Variants in MDK observed in about 807,000 individuals in gnomAD.
MDK encodes midkine.
MDK carries 17 observed loss-of-function variants against 18.9 expected under a neutral mutation model. The ratio of observed to expected loss-of-function variants is 0.90; its 90% CI spans 0.62 to 1.35. The LOEUF (loss-of-function observed/expected upper bound fraction) is 1.35. Ranked by LOEUF, MDK falls within the 40% of genes most tolerant of loss-of-function variation. The pLI is 0.00. For synonymous variants in MDK, 86 were observed against 74.3 expected, an observed-to-expected ratio of 1.16 and a Z score of -0.81; for missense variants, 180 against 186.3, an observed-to-expected ratio of 0.97 and a Z score of 0.20.
In MDK at chr11:46,382,039, C is replaced by G. The variant is rs746846549; in HGVS notation, c.-1-18C>G. 3 of 1,595,318 alleles carry G rather than the reference C, an allele frequency of 1.9e-6. No homozygotes were observed. In the East Asian group the frequency reaches 6.8e-5, roughly 36 times the overall value. On this transcript the variant is annotated intron_variant, in intron 1 of 4. Transcript: ENST00000395566. Reference sequence around the variant, plus strand: ...GAAGGGGACGGGCCAGGGATTCAGACTCGGGCTCTCCCCTCAGGATGCAGC... The same window carrying G: ...GAAGGGGACGGGCCAGGGATTCAGAGTCGGGCTCTCCCCTCAGGATGCAGC...
Position 46,382,633 on chromosome 11 carries a change from C to T in MDK, c.291C>T (p.Gly97=), listed in dbSNP as rs201944015. 2 of 1,612,866 alleles carry T rather than the reference C, an allele frequency of 1.2e-6. No individual in the cohort carries two copies. Among genetic ancestry groups the T allele is most frequent in the East Asian group, 2.2e-5 (1 of 44,854 alleles). ...AGAACTGGGGTGCGTGTGATGGGGG[C>T]ACAGGCACCAAAGTCCGCCAAGGCA... The part of the protein sequence containing the change: ...KFENWGACDG[G]TGTKVRQGTL... Residue 97 remains glycine, a synonymous_variant, in exon 4 of 5, where the codon GGC becomes GGT. Coordinates refer to ENST00000395566, the MANE Select transcript of MDK (RefSeq NM_002391.6).
Position 46,383,796 on chromosome 11 carries a change from C to A in MDK, c.*302C>A, listed in dbSNP as rs920362905. Reference sequence around the variant, plus strand: ...CACATCAAATAAACTGACTTTTTCCCCCCAATAAAAGCTCTTCTTTTTTAA... The same window carrying A: ...CACATCAAATAAACTGACTTTTTCCACCCAATAAAAGCTCTTCTTTTTTAA... On this transcript the variant is annotated 3_prime_UTR_variant, in exon 5 of 5. Transcript: ENST00000395566. 6 of 476,670 alleles carry A rather than the reference C, an allele frequency of 1.3e-5. No individual in the cohort carries two copies. Among genetic ancestry groups the A allele is most frequent in the African/African-American group, 2.0e-5 (1 of 50,770 alleles). 29.5% of individuals were successfully genotyped at this position (476,670 alleles called of 1,614,324 possible). A position where few individuals can be genotyped will look rare whatever the true frequency, so the allele number is the denominator to read the frequency against.
At position 46,382,326 on chromosome 11, in the gene MDK, T is replaced by G. The variant is rs1245171076; in HGVS notation, c.109T>G (p.Cys37Gly). Residue 37 changes from cysteine to glycine, a missense_variant, in exon 3 of 5, where the codon TGC becomes GGC. Coordinates refer to ENST00000395566, the MANE Select transcript of MDK (RefSeq NM_002391.6). ...KVKKGGPGSE[C>G]AEWAWGPCTP... ...GAAGAAGGGCGGCCCGGGGAGCGAG[T>G]GCGCTGAGTGGGCCTGGGGGCCCTG... 2 of 1,607,502 alleles carry G rather than the reference T, an allele frequency of 1.2e-6. No homozygotes were observed. The highest frequency in any genetic ancestry group is 1.7e-6 in the Non-Finnish European group (2 of 1,177,962).
intron 4 of MDK, 42 bp downstream of exon 4, chr11:46,382,790 GCCCCCCCCCCC>G: frequency 1.0e-6 from 1 of 985,982 alleles, no homozygotes; most frequent in Non-Finnish European, 1.3e-6. Context: ...GCGGGGGGCT[GCCCCCCCCCCC>G]CCCCGCCTGT....
At chr11:46,381,345 C>T (rs556646760), upstream of MDK, 9 of 152,906 alleles carry the variant, frequency 5.9e-5, no homozygotes, top group East Asian at 1.9e-4. Flanking sequence ...CAGGGGACGA[C>T]CTGGGATGGG....
intron 2 of MDK, 73 bp downstream of exon 2, chr11:46,382,206 G>A: frequency 6.2e-7 from 1 of 1,605,668 alleles, no homozygotes; most frequent in Non-Finnish European, 8.5e-7. Context: ...TGGGCCGCCT[G>A]GGTTCCTAGC....
Position 46,382,596 on chromosome 11 carries a change from A to T in MDK, c.254A>T (p.Lys85Met). 6.2e-7 allele frequency: 1 copy of T among 1,610,598 alleles called. No homozygotes were observed. Among genetic ancestry groups the T allele is most frequent in the Non-Finnish European group, 8.5e-7 (1 of 1,178,570 alleles). The change falls in exon 4 of 5, where the codon AAG (lysine) becomes ATG (methionine). Residue 85 changes from lysine to methionine, a missense_variant. Transcript: ENST00000395566. Reference protein sequence around the residue: ...NWKKEFGADCKYKFENWGACD... With the variant: ...NWKKEFGADCMYKFENWGACD... ...GCCGCTCTCTCGCCAGCCGACTGCA[A>T]GTACAAGTTTGAGAACTGGGGTGCG...
chr11:46,382,000 C>G, intron 1 of MDK, 57 bp from the exon 2 acceptor site: 1 of 1,527,040 alleles, frequency 6.5e-7, no homozygotes, highest in Non-Finnish European at 8.9e-7. Flanking sequence ...GCCCTGCACG[C>G]GGCCCCCGGT....
chr11:46,382,523 G>T (rs997155538), intron 3 of MDK, 62 bp downstream of exon 3: 1 of 1,551,976 alleles, frequency 6.4e-7, no homozygotes, highest in Non-Finnish European at 8.7e-7. Flanking sequence ...AAGCCTGGGC[G>T]GACCCTTGGC....
intron 4 of MDK, chr11:46,383,120 C>T (rs1945272744): frequency 4.7e-6 from 2 of 421,990 alleles, no homozygotes; most frequent in East Asian, 9.4e-5. Flanking sequence ...AAGGCCCACC[C>T]TGGGCCTCTC....
In MDK at chr11:46,382,683, C is replaced by G. The variant is rs1336700706; in HGVS notation, c.341C>G (p.Ala114Gly). Residue 114 changes from alanine to glycine, a missense_variant, in exon 4 of 5, where the codon GCT (alanine) becomes GGT (glycine). Transcript: ENST00000395566. The stretch of plus-strand genomic sequence containing the variant: ...ACCCTGAAGAAGGCGCGCTACAATG[C>G]TCAGTGCCAGGAGACCATCCGCGTC... ...QGTLKKARYN[A>G]QCQETIRVTK... 6.8e-6 allele frequency: 11 copies of G among 1,613,024 alleles called. No individual in the cohort carries two copies. The highest frequency in any genetic ancestry group is 1.3e-5 in the African/African-American group (1 of 74,816).
In MDK at chr11:46,383,674, G is replaced by A. The variant is rs2136545698; in HGVS notation, c.*180G>A. The A allele has an allele frequency of 1.4e-6, 1 of 703,300 alleles. No individual in the cohort carries two copies. Among genetic ancestry groups the A allele is most frequent in the Middle Eastern group, 2.3e-4 (1 of 4,322 alleles). 43.6% of individuals were successfully genotyped at this position (703,300 alleles called of 1,614,324 possible). A position where few individuals can be genotyped will look rare whatever the true frequency, so the allele number is the denominator to read the frequency against. ...CCCACCCCTAAGTGCCCAAAGTGGG[G>A]AGGGACAAGGGATTCTGGGAAGCTT... On this transcript the variant is annotated 3_prime_UTR_variant, in exon 5 of 5. Coordinates refer to ENST00000395566, the MANE Select transcript of MDK (RefSeq NM_002391.6).
chr11:46,382,873 G>T, intron 4 of MDK, 125 bp downstream of exon 4: 3 of 1,090,164 alleles, frequency 2.8e-6, no homozygotes, highest in Non-Finnish European at 4.0e-6. Flanking sequence ...TCCTGACATC[G>T]CCTCACTTGG....
At chr11:46,381,969 G>A (rs1190850477) in intron 1 of MDK, 88 bp from the exon 2 acceptor site, 1 of 1,388,262 alleles carries the variant, frequency 7.2e-7, no homozygotes, top group Non-Finnish European at 9.9e-7. Flanking sequence ...CCTGGAAAGT[G>A]GAGCACGCGG....
chr11:46,382,290 G>A lies in MDK; in HGVS notation c.77-4G>A, dbSNP rs1945226453. ...TCCTGAACTCTGTTCCTCGCGCGTT[G>A]TAGATAAGGTGAAGAAGGGCGGCCC... On this transcript the variant is annotated splice_polypyrimidine_tract_variant and splice_region_variant and intron_variant, in intron 2 of 4. Coordinates refer to ENST00000395566, the MANE Select transcript of MDK (RefSeq NM_002391.6). 1 of 1,607,766 alleles carries A rather than the reference G, an allele frequency of 6.2e-7. No individual in the cohort carries two copies. The highest frequency in any genetic ancestry group is 2.2e-5 in the East Asian group (1 of 44,806).
intron 4 of MDK, chr11:46,383,120 C>G: frequency 2.4e-6 from 1 of 421,990 alleles, no homozygotes. Context: ...AAGGCCCACC[C>G]TGGGCCTCTC....
In MDK at chr11:46,383,650, C is replaced by A; in HGVS notation, c.*156C>A. ...GCCTTGTCCCTCTCACTCCCCAGCC[C>A]CACCCCTAAGTGCCCAAAGTGGGGA... On this transcript the variant is annotated 3_prime_UTR_variant, in exon 5 of 5. Coordinates refer to ENST00000395566, the MANE Select transcript of MDK (RefSeq NM_002391.6). 1.3e-6 allele frequency: 1 copy of A among 758,468 alleles called. No individual in the cohort carries two copies. The highest frequency in any genetic ancestry group is 2.0e-5 in the Admixed American group (1 of 50,778). 47.0% of individuals were successfully genotyped at this position (758,468 alleles called of 1,614,324 possible). A position where few individuals can be genotyped will look rare whatever the true frequency, so the allele number is the denominator to read the frequency against.
At position 46,382,376 on chromosome 11, in the gene MDK, C is replaced by T. The variant is rs1451820460; in HGVS notation, c.159C>T (p.Gly53=). 6.4e-7 allele frequency: 1 copy of T among 1,573,752 alleles called. No individual in the cohort carries two copies. The highest frequency in any genetic ancestry group is 8.6e-7 in the Non-Finnish European group (1 of 1,163,096). Residue 53 remains glycine, a synonymous_variant, in exon 3 of 5, where the codon GGC becomes GGT. Transcript: ENST00000395566. ...GCACCCCCAGCAGCAAGGATTGCGGCGTGGGTTTCCGCGAGGGCACCTGCG... is the reference window on the plus strand; with the variant it reads ...GCACCCCCAGCAGCAAGGATTGCGGTGTGGGTTTCCGCGAGGGCACCTGCG... ...GPCTPSSKDC[G]VGFREGTCGA... is the part of the protein sequence containing the mutation.
rs971890724 is a variant in MDK at position 46,382,577 on chromosome 11, C to T, written c.245-10C>T. 1.9e-6 allele frequency: 3 copies of T among 1,603,994 alleles called. No homozygotes were observed. The highest frequency in any genetic ancestry group is 2.7e-5 in the African/African-American group (2 of 74,658). ...CCGCGCAGCGCTGACCTGGGCCGCT[C>T]TCTCGCCAGCCGACTGCAAGTACAA... On this transcript the variant is annotated splice_polypyrimidine_tract_variant and intron_variant, in intron 3 of 4. Transcript: ENST00000395566.
Sources: allele counts gnomAD v4.1 joint callset, GRCh38; gene constraint gnomAD v4.1.1; transcripts MANE v1.5; gene names NCBI Gene and HGNC (gene_info 2026-07-23, HGNC 2026-07-21).